MZT1: variants seen among roughly 807,000 people sequenced by gnomAD.
MZT1 encodes the protein mitotic spindle organizing protein 1.
A neutral mutation model predicts 8.5 loss-of-function variants in MZT1; 8 were observed. The ratio of observed to expected loss-of-function variants is 0.94; its 90% CI spans 0.55 to 1.70. MZT1 has a LOEUF of 1.70. Ranked by LOEUF, MZT1 falls within the 40% of genes most tolerant of loss-of-function variation. MZT1 has a pLI of 0.00. For missense variants in MZT1, 93 were observed against 108.6 expected (o/e 0.86, Z 0.64); for synonymous variants, 38 against 42.0 (o/e 0.90, Z 0.37).
chr13:72,718,043 A>G (rs2032553031), intron 2 of MZT1, among the ~76,000 whole-genome samples: 1 of 152,366 alleles, frequency 6.6e-6, no homozygotes, highest in East Asian at 1.9e-4. Context: ...AAGTAACCAC[A>G]TATTAGGTGG....
At chr13:72,713,538 A>G (rs1169537731) in intron 2 of MZT1, among the ~76,000 whole-genome samples, 1 of 152,178 alleles carries the variant, frequency 6.6e-6, no homozygotes. Flanking sequence ...TGTAAACGCT[A>G]TGTAAATAGT....
intron 2 of MZT1, among the ~76,000 whole-genome samples, chr13:72,712,501 T>G (rs9530089): frequency 0.88 from 134,043 of 152,196 alleles, 61,120 homozygotes; most frequent in Non-Finnish European, 0.99. Flanking sequence ...TTCTAGATCA[T>G]AGGAGAAATG....
intron 2 of MZT1, among the ~76,000 whole-genome samples, chr13:72,717,920 C>T (rs762954603): frequency 3.9e-5 from 6 of 152,164 alleles, no homozygotes; most frequent in Non-Finnish European, 7.3e-5. Context: ...ACTTTCCAGT[C>T]TCTATCCAAT....
At chr13:72,717,351 T>C (rs564989107) in intron 2 of MZT1, among the ~76,000 whole-genome samples, 69 of 151,592 alleles carry the variant, frequency 4.6e-4, no homozygotes, top group African/African-American at 1.7e-3. Context: ...TTTTTTTTTT[T>C]TTTTTTAGAT....
At chr13:72,718,667 A>T (rs1238046540) in intron 2 of MZT1, among the ~76,000 whole-genome samples, 1 of 151,792 alleles carries the variant, frequency 6.6e-6, no homozygotes, top group Non-Finnish European at 1.5e-5. Flanking sequence ...TTTAGTAGAG[A>T]ATGGGGCTTT....
intron 2 of MZT1, among the ~76,000 whole-genome samples, chr13:72,712,911 A>C (rs1393405298): frequency 6.6e-6 from 1 of 152,252 alleles, no homozygotes; most frequent in Non-Finnish European, 1.5e-5. Context: ...TGTACTAAAT[A>C]AATCTTTCCC....
In MZT1 at chr13:72,721,958, C is replaced by CA. The variant is rs1237089207; in HGVS notation, c.80-2862dup. ...TTCATATTATCTGCTGAATTTATTT[C>CA]AAATTTATTTCAGTAGCTTTCAAGA... On this transcript the variant is annotated intron_variant, in intron 1 of 2. Transcript: ENST00000377818. Among the ~76,000 whole-genome samples, 7 of 152,172 alleles carry CA rather than the reference C, an allele frequency of 4.6e-5. No homozygotes were observed. In the East Asian group the frequency reaches 1.3e-3, roughly 29 times the overall value.
At chr13:72,714,070 A>G (rs1002722382) in intron 2 of MZT1, among the ~76,000 whole-genome samples, 1 of 152,096 alleles carries the variant, frequency 6.6e-6, no homozygotes, top group Non-Finnish European at 1.5e-5. Flanking sequence ...CCTAGACAGC[A>G]TTTCAGAGAT....
chr13:72,725,510 T>C (rs901845173), intron 1 of MZT1, among the ~76,000 whole-genome samples: 14 of 151,226 alleles, frequency 9.3e-5, no homozygotes, highest in Non-Finnish European at 1.8e-4. Context: ...AATGCTACCA[T>C]TGAGGGGAGA....
intron 1 of MZT1, among the ~76,000 whole-genome samples, chr13:72,727,043 G>A (rs1407475928): frequency 1.3e-5 from 2 of 152,256 alleles, no homozygotes; most frequent in African/African-American, 4.8e-5. Context: ...GCCTACTTAA[G>A]TGCGAAGAAC....
intron 2 of MZT1, among the ~76,000 whole-genome samples, chr13:72,711,574 T>A (rs2032489079): frequency 6.6e-6 from 1 of 152,024 alleles, no homozygotes. Context: ...TTTGTTATCC[T>A]ACATATTCCA....
In MZT1 at chr13:72,708,852, T is replaced by C. The variant is rs1593794372; in HGVS notation, c.*1470A>G. On this transcript the variant is annotated 3_prime_UTR_variant, in exon 3 of 3. Transcript: ENST00000377818. ...TAAAAAAAAAAAAAGGCAGAGAAGG[T>C]TGCTATTTAAATATTACCAAATCTT... 6.7e-6 allele frequency: 1 copy of C among 148,368 alleles called. No homozygotes were observed. Among genetic ancestry groups the C allele is most frequent in the East Asian group, 1.9e-4 (1 of 5,132 alleles). The allele number at this position is 148,368 out of a possible 1,614,324, so 9.2% of individuals were successfully genotyped here. A position where few individuals can be genotyped will look rare whatever the true frequency, so the allele number is the denominator to read the frequency against.
intron 2 of MZT1, among the ~76,000 whole-genome samples, chr13:72,716,760 T>G (rs564955554): frequency 6.6e-6 from 1 of 152,320 alleles, no homozygotes; most frequent in Admixed American, 6.5e-5. Context: ...GAAGACAGAA[T>G]AGGACATGTT....
intron 2 of MZT1, 136 bp downstream of exon 2, chr13:72,718,816 T>A: frequency 1.2e-6 from 1 of 811,952 alleles, no homozygotes; most frequent in African/African-American, 1.8e-5. Context: ...CATACACTAT[T>A]GAGCTCCTGG....
At chr13:72,725,685 A>T (rs2032643997) in intron 1 of MZT1, among the ~76,000 whole-genome samples, 1 of 151,938 alleles carries the variant, frequency 6.6e-6, no homozygotes. Flanking sequence ...CTCAGAAGAG[A>T]TCTTGATGAT....
At position 72,717,331 on chromosome 13, in the gene MZT1, C is replaced by T. The variant is rs2032545206; in HGVS notation, c.225+1621G>A. Among the ~76,000 whole-genome samples the T allele has an allele frequency of 2.8e-5, 4 of 141,194 alleles. No homozygotes were observed. The Admixed American group carries it at 3.0e-4, about 11-fold the overall frequency. 92.6% of individuals were successfully genotyped at this position (141,194 alleles called of 152,430 possible). On this transcript the variant is annotated intron_variant, in intron 2 of 2. Transcript: ENST00000377818. ...AGAACACAATTCAGCCACAATCTGTCACTTTCTTTTTTTTTTTTTTTTTTT... is the reference window on the plus strand; with the variant it reads ...AGAACACAATTCAGCCACAATCTGTTACTTTCTTTTTTTTTTTTTTTTTTT...
At chr13:72,723,023 T>C (rs1377579912) in intron 1 of MZT1, among the ~76,000 whole-genome samples, 2 of 152,216 alleles carry the variant, frequency 1.3e-5, no homozygotes, top group Non-Finnish European at 2.9e-5. Context: ...TATTAAACTT[T>C]TTAATCACCA....
chr13:72,713,869 G>A (rs1249387542), intron 2 of MZT1, among the ~76,000 whole-genome samples: 1 of 152,188 alleles, frequency 6.6e-6, no homozygotes, highest in Non-Finnish European at 1.5e-5. Context: ...TAATGATAGA[G>A]GAAATAATGC....
At chr13:72,716,973 C>T (rs1205512630) in intron 2 of MZT1, among the ~76,000 whole-genome samples, 1 of 152,164 alleles carries the variant, frequency 6.6e-6, no homozygotes, top group East Asian at 1.9e-4. Context: ...TCCCACTAAT[C>T]TGATAGCCTT....
Sources: gnomAD v4.1 joint callset for allele counts (sites outside exome capture counted in the v4.1 genomes callset) on GRCh38, gnomAD v4.1.1 for gene constraint, MANE v1.5 for transcripts, NCBI Gene and HGNC (gene_info 2026-07-23, HGNC 2026-07-21) for gene names.